NFIX: variants seen among roughly 807,000 people sequenced by gnomAD.
The protein encoded by NFIX is nuclear factor I X.
In NFIX, 2 loss-of-function variants were observed where a neutral mutation model predicts 53.3. That is an observed-to-expected ratio of 0.04 (90% CI 0.02 to 0.12). The LOEUF is 0.12. Among genes scored for constraint, NFIX ranks in the 10% least tolerant of loss-of-function variants. The pLI is 1.00. For synonymous variants in NFIX, 244 were observed against 289.0 expected (o/e 0.84, Z 1.58); for missense variants, 310 against 674.5 (o/e 0.46, Z 5.99).
rs186148351 is a variant in NFIX, at chr19:13,066,935, G to A, written c.560-6112G>A. Among the ~76,000 whole-genome samples the A allele has an allele frequency of 8.7e-4, 133 of 152,264 alleles. 1 individual carries two copies. The highest frequency in any genetic ancestry group is 3.0e-3 in the African/African-American group (124 of 41,556). On this transcript the variant is annotated intron_variant, in intron 2 of 10. Transcript: ENST00000592199. This position sits in a 1 kb window ranked among gnomAD's most constrained non-coding sequence, Gnocchi z 4.2. ...CCCTGAGTCTCCTGTCTGCTGAGAC[G>A]GGGAGAACCCCTCTGTGACCCGTCC...
intron 7 of NFIX, among the ~76,000 whole-genome samples, chr19:13,080,832 C>T (rs113254113): frequency 0.076 from 11,523 of 151,894 alleles, 558 homozygotes; most frequent in Non-Finnish European, 0.12. Flanking sequence ...AACCCTGTCT[C>T]TACTAAAAAT....
At chr19:13,003,054 G>C (rs1402781637) in intron 1 of NFIX, among the ~76,000 whole-genome samples, 2 of 152,124 alleles carry the variant, frequency 1.3e-5, no homozygotes, top group African/African-American at 2.4e-5. Context: ...AAATTATCCA[G>C]GTGGTTCCGT....
chr19:13,088,163 C>A lies in NFIX; in HGVS notation c.1402+27C>A, dbSNP rs1331154523. ...TAAGTGGACGATGAAACCGAAACCACAACGCCCAGCGTCCCCGGCCCGTCC... is the reference window on the plus strand; with the variant it reads ...TAAGTGGACGATGAAACCGAAACCAAAACGCCCAGCGTCCCCGGCCCGTCC... On this transcript the variant is annotated intron_variant, in intron 9 of 10. Coordinates refer to ENST00000592199, the MANE Select transcript of NFIX (RefSeq NM_001365902.3). The surrounding 1 kb of genome is among the most constrained non-coding windows in gnomAD (Gnocchi z 5.9). The A allele has an allele frequency of 7.2e-6, 11 of 1,535,940 alleles. No individual in the cohort carries two copies. The highest frequency in any genetic ancestry group is 8.7e-6 in the Non-Finnish European group (10 of 1,146,540).
rs2018346263 is a variant in NFIX at position 13,094,886 on chromosome 19, C to G, written c.*237C>G. Reference sequence around the variant, plus strand: ...GGGTCTCGGTGGAGCTGTGCACCAGCAGCCAAGCAGAAAGAAACACGCGAC... The same window carrying G: ...GGGTCTCGGTGGAGCTGTGCACCAGGAGCCAAGCAGAAAGAAACACGCGAC... On this transcript the variant is annotated 3_prime_UTR_variant, in exon 11 of 11. Transcript: ENST00000592199. The surrounding 1 kb of genome is among the most constrained non-coding windows in gnomAD (Gnocchi z 4.3). The G allele has an allele frequency of 5.7e-6, 3 of 529,638 alleles. No individual in the cohort carries two copies. Among genetic ancestry groups the G allele is most frequent in the South Asian group, 2.4e-5 (1 of 41,462 alleles). 32.8% of individuals were successfully genotyped at this position (529,638 alleles called of 1,614,324 possible). A position where few individuals can be genotyped will look rare whatever the true frequency, so the allele number is the denominator to read the frequency against.
In NFIX at chr19:13,047,482, G is replaced by A. The variant is rs377488936; in HGVS notation, c.559+21930G>A. ...AATCCATTTTGAGTTGCTCTTCCCT[G>A]GCCCCATTAGAAAATGTCGGCTCTG... On this transcript the variant is annotated intron_variant, in intron 2 of 10. Coordinates refer to ENST00000592199, the MANE Select transcript of NFIX (RefSeq NM_001365902.3). Among the ~76,000 whole-genome samples the A allele has an allele frequency of 2.0e-5, 3 of 152,040 alleles. No individual in the cohort carries two copies. In the East Asian group the frequency reaches 5.8e-4, roughly 29 times the overall value.
Position 13,045,536 on chromosome 19 carries a change from A to G in NFIX, c.559+19984A>G, listed in dbSNP as rs1236764591. Among the ~76,000 whole-genome samples, 5 of 152,150 alleles carry G rather than the reference A, an allele frequency of 3.3e-5. No individual in the cohort carries two copies. In the East Asian group the frequency reaches 9.6e-4, roughly 29 times the overall value. On this transcript the variant is annotated intron_variant, in intron 2 of 10. Coordinates refer to ENST00000592199, the MANE Select transcript of NFIX (RefSeq NM_001365902.3). This position sits in a 1 kb window ranked among gnomAD's most constrained non-coding sequence, Gnocchi z 4.4. ...AGAAACCCTGACTGAGGCCAAGGAA[A>G]GGAACGGCAGCAGGGCAAGCCAGGC...
rs1259032615 is a variant in NFIX, at chr19:13,011,463, G to A, written c.28-13558G>A. 4.6e-5 allele frequency among the ~76,000 whole-genome samples: 7 copies of A among 152,120 alleles called. No homozygotes were observed. The highest frequency in any genetic ancestry group is 1.4e-4 in the African/African-American group (6 of 41,440). On this transcript the variant is annotated intron_variant, in intron 1 of 10. Coordinates refer to ENST00000592199, the MANE Select transcript of NFIX (RefSeq NM_001365902.3). This position sits in a 1 kb window ranked among gnomAD's most constrained non-coding sequence, Gnocchi z 6.5. ...CCTTCGCTCCAGGTGCGCCCGGGCG[G>A]TGGAGGCGAGTTCCCTGCGCGCATC...
rs538614242 is a variant in NFIX at position 13,097,740 on chromosome 19, C to G, written c.*3091C>G. On this transcript the variant is annotated 3_prime_UTR_variant, in exon 11 of 11. Transcript: ENST00000592199. ...CTCCCTCTCCGCCCCGAGCGCCCTT[C>G]TTTGAGCCAGACGCCAACTTGACCC... The G allele has an allele frequency of 1.4e-5, 2 of 145,690 alleles. No individual in the cohort carries two copies. Among genetic ancestry groups the G allele is most frequent in the South Asian group, 4.8e-4 (2 of 4,186 alleles). The allele number at this position is 145,690 out of a possible 1,614,324, so 9.0% of individuals were successfully genotyped here.
Position 13,089,355 on chromosome 19 carries a change from G to A in NFIX, c.1403-944G>A, listed in dbSNP as rs1369704248. 6.6e-6 allele frequency among the ~76,000 whole-genome samples: 1 copy of A among 152,144 alleles called. No homozygotes were observed. The highest frequency in any genetic ancestry group is 1.5e-5 in the Non-Finnish European group (1 of 68,004). On this transcript the variant is annotated intron_variant, in intron 9 of 10. Transcript: ENST00000592199. This position sits in a 1 kb window ranked among gnomAD's most constrained non-coding sequence, Gnocchi z 4.8. ...CTCCTCTGGGGGCATCTTCCCTTCT[G>A]GGGGTGCAGGGCCTGTTCCCTCCAG...
intron 1 of NFIX, among the ~76,000 whole-genome samples, chr19:13,020,102 T>C (rs1455940390): frequency 1.3e-5 from 2 of 152,124 alleles, no homozygotes; most frequent in African/African-American, 4.8e-5. Context: ...GTATGAGGGA[T>C]TTTTTGTCTT....
chr19:13,073,400 A>G lies in NFIX; in HGVS notation c.623-22A>G. On this transcript the variant is annotated intron_variant, in intron 3 of 10. Transcript: ENST00000592199. This position sits in a 1 kb window ranked among gnomAD's most constrained non-coding sequence, Gnocchi z 4.5. ...CCCCCTTCTGGCCTTGTCTTGACTCACTCATCCTTTCCCCTCTTCAGGGCA... is the reference window on the plus strand; with the variant it reads ...CCCCCTTCTGGCCTTGTCTTGACTCGCTCATCCTTTCCCCTCTTCAGGGCA... The G allele has an allele frequency of 1.9e-6, 3 of 1,607,412 alleles. No individual in the cohort carries two copies. In the African/African-American group the frequency reaches 4.0e-5, roughly 21 times the overall value.
At chr19:13,091,886 C>CT (rs2018163409) in intron 10 of NFIX, among the ~76,000 whole-genome samples, 1 of 152,246 alleles carries the variant, frequency 6.6e-6, no homozygotes, top group Non-Finnish European at 1.5e-5. Flanking sequence ...GCCTCCTTTA[C>CT]TTTCTTTGCT....
intron 2 of NFIX, among the ~76,000 whole-genome samples, chr19:13,026,431 A>T (rs910039002): frequency 2.0e-5 from 3 of 150,988 alleles, no homozygotes; most frequent in African/African-American, 7.3e-5. Context: ...TGTTCCAAGT[A>T]GTTCTGCTTC....
At position 13,051,067 on chromosome 19, in the gene NFIX, G is replaced by C. The variant is rs1473715362; in HGVS notation, c.560-21980G>C. Among the ~76,000 whole-genome samples, 1 of 152,192 alleles carries C rather than the reference G, an allele frequency of 6.6e-6. No individual in the cohort carries two copies. Among genetic ancestry groups the C allele is most frequent in the East Asian group, 1.9e-4 (1 of 5,198 alleles). On this transcript the variant is annotated intron_variant, in intron 2 of 10. Transcript: ENST00000592199. The surrounding 1 kb of genome is among the most constrained non-coding windows in gnomAD (Gnocchi z 5.1). ...TGGTAATGACTTGGCAGTGGAGGGA[G>C]GAGGGTGCATACCTCCAGGAGGATA...
intron 5 of NFIX, among the ~76,000 whole-genome samples, chr19:13,074,702 C>T (rs543526820): frequency 7.1e-4 from 105 of 148,422 alleles, no homozygotes; most frequent in Admixed American, 1.1e-3. Context: ...GGGTCCACTC[C>T]ACTTTTTTTT....
chr19:13,067,930 C>G lies in NFIX; in HGVS notation c.560-5117C>G, dbSNP rs998949492. ...ACCATCCTGGCTAACACTGTGAAACCCTGTCTCTTCTAAAAATACAAAAAA... is the reference window on the plus strand; with the variant it reads ...ACCATCCTGGCTAACACTGTGAAACGCTGTCTCTTCTAAAAATACAAAAAA... On this transcript the variant is annotated intron_variant, in intron 2 of 10. Coordinates refer to ENST00000592199, the MANE Select transcript of NFIX (RefSeq NM_001365902.3). The surrounding 1 kb of genome is among the most constrained non-coding windows in gnomAD (Gnocchi z 4.2). Among the ~76,000 whole-genome samples, 7 of 151,928 alleles carry G rather than the reference C, an allele frequency of 4.6e-5. No homozygotes were observed. The highest frequency in any genetic ancestry group is 1.0e-4 in the Non-Finnish European group (7 of 67,996).
At position 13,096,202 on chromosome 19, in the gene NFIX, CCTCTCTCTTT is replaced by C. The variant is rs893152477; in HGVS notation, c.*1566_*1575del. On this transcript the variant is annotated 3_prime_UTR_variant, in exon 11 of 11. Coordinates refer to ENST00000592199, the MANE Select transcript of NFIX (RefSeq NM_001365902.3). ...CCTGGCCCCTTCTTGAGTCCTTGTGCCTCTCTCTTTCTCTCTCTTTCTTAATTGTATGAAA... is the reference window on the plus strand; with the variant it reads ...CCTGGCCCCTTCTTGAGTCCTTGTGCCTCTCTCTTTCTTAATTGTATGAAA... The C allele has an allele frequency of 3.3e-5, 5 of 152,946 alleles. No individual in the cohort carries two copies. Among genetic ancestry groups the C allele is most frequent in the Non-Finnish European group, 7.3e-5 (5 of 68,328 alleles). The allele number at this position is 152,946 out of a possible 1,614,324, so 9.5% of individuals were successfully genotyped here. A position where few individuals can be genotyped will look rare whatever the true frequency, so the allele number is the denominator to read the frequency against.
At position 13,002,118 on chromosome 19, in the gene NFIX, C is replaced by T. The variant is rs1020257891; in HGVS notation, c.27+6254C>T. Among the ~76,000 whole-genome samples the T allele has an allele frequency of 6.6e-6, 1 of 152,080 alleles. No homozygotes were observed. The highest frequency in any genetic ancestry group is 1.5e-5 in the Non-Finnish European group (1 of 67,978). ...ACAGCCAGGCAGGCCCTGGGCCCCA[C>T]ACCCCTGGGCCACCCGCCATCCCTC... On this transcript the variant is annotated intron_variant, in intron 1 of 10. Transcript: ENST00000592199. The surrounding 1 kb of genome is among the most constrained non-coding windows in gnomAD (Gnocchi z 6.1).
chr19:13,023,934 T>TCCACCACC, intron 1 of NFIX: 1 of 495,982 alleles, frequency 2.0e-6, no homozygotes, highest in Non-Finnish European at 3.6e-6. Flanking sequence ...CCCCTGCTCC[T>TCCACCACC]CCTCCTCCCC....
Sources: allele counts gnomAD v4.1 joint callset (sites outside exome capture counted in the v4.1 genomes callset), GRCh38; gene constraint gnomAD v4.1.1; non-coding constraint Gnocchi (gnomAD v3.1); transcripts MANE v1.5; gene names NCBI Gene and HGNC (gene_info 2026-07-23, HGNC 2026-07-21).